PLXNA2: variants seen among roughly 807,000 people sequenced by gnomAD.
The protein encoded by PLXNA2 is plexin A2.
In PLXNA2, 91 loss-of-function variants were observed where a neutral mutation model predicts 193.5. The observed-to-expected ratio is 0.47, with a 90% CI of 0.40 to 0.56. The LOEUF (loss-of-function observed/expected upper bound fraction) is 0.56. Among genes scored for constraint, PLXNA2 ranks in the 20% least tolerant of loss-of-function variants. The probability of loss-of-function intolerance (pLI) is 0.00; values close to 1 mark genes in which losing one functional copy is unlikely to be tolerated. For synonymous variants in PLXNA2, 997 were observed against 1,027.3 expected, an observed-to-expected ratio of 0.97 and a Z score of 0.56; for missense variants, 1,995 against 2,503.2, an observed-to-expected ratio of 0.80 and a Z score of 4.33.
Position 208,084,900 on chromosome 1 carries a change from A to G in PLXNA2, c.2098-320T>C, listed in dbSNP as rs576861757. On this transcript the variant is annotated intron_variant, in intron 9 of 31. Coordinates refer to ENST00000367033, the MANE Select transcript of PLXNA2 (RefSeq NM_025179.4). ...GAGCCTCCACGTGTCCCTGTCCCCA[A>G]CCTGGCACCCCTACCTCTGGGTTTC... Among the ~76,000 whole-genome samples the G allele has an allele frequency of 7.2e-5, 11 of 152,222 alleles. No individual in the cohort carries two copies. The East Asian group carries it at 1.4e-3, about 19-fold the overall frequency.
At chr1:208,056,774 TCGGGCATCAGCCGAGC>T (rs1421809157) in intron 13 of PLXNA2, among the ~76,000 whole-genome samples, 1 of 152,090 alleles carries the variant, frequency 6.6e-6, no homozygotes, top group Non-Finnish European at 1.5e-5. Flanking sequence ...GTCTCTTTCC[TCGGGCATCAGCCGAGC>T]CCCCTTCTCA....
Position 208,052,436 on chromosome 1 carries a change from T to C in PLXNA2, c.2884A>G (p.Ile962Val). 1 of 1,614,058 alleles carries C rather than the reference T, an allele frequency of 6.2e-7. No individual in the cohort carries two copies. Among genetic ancestry groups the C allele is most frequent in the Non-Finnish European group, 8.5e-7 (1 of 1,179,972 alleles). The part of the protein sequence containing the change: ...VNPSVLSLNP[I>V]RGPESGGTMV... The stretch of plus-strand genomic sequence containing the variant: ...GTGCCTCCTGACTCGGGACCTCGGA[T>C]TGGGTTGAGTGACAGCACAGAAGGG... Residue 962 changes from isoleucine to valine, a missense_variant, in exon 15 of 32, where the codon ATC (isoleucine) becomes GTC (valine). Ile to Val is a conservative substitution (Grantham distance 29, BLOSUM62 3). Transcript: ENST00000367033.
At chr1:208,029,448 A>G in intron 29 of PLXNA2, 1 of 1,012,812 alleles carries the variant, frequency 9.9e-7, no homozygotes, top group Non-Finnish European at 1.2e-6. Flanking sequence ...TGTCCGGAAG[A>G]AGGCAGCCAG....
At chr1:208,131,675 A>T (rs1668159784) in intron 4 of PLXNA2, among the ~76,000 whole-genome samples, 1 of 152,234 alleles carries the variant, frequency 6.6e-6, no homozygotes, top group Non-Finnish European at 1.5e-5. Flanking sequence ...CACTTGAAAC[A>T]GCACCAGAGA....
At chr1:208,107,168 G>A (rs994467865) in intron 4 of PLXNA2, among the ~76,000 whole-genome samples, 4 of 152,218 alleles carry the variant, frequency 2.6e-5, no homozygotes, top group Admixed American at 6.5e-5. Context: ...TTGGTGTCAC[G>A]TGTGAGATTA....
At chr1:208,050,585 C>T (rs1184487940) in intron 17 of PLXNA2, among the ~76,000 whole-genome samples, 2 of 152,220 alleles carry the variant, frequency 1.3e-5, no homozygotes, top group Non-Finnish European at 2.9e-5. Context: ...ATAATCCCAG[C>T]ACTTTGGGAG....
rs1430621647 is a variant in PLXNA2 at position 208,217,696 on chromosome 1, T to G, written c.227A>C (p.Asn76Thr). ...AINRVYKLTGNLTIQVAHKTG... is the reference protein window; with the variant it reads ...AINRVYKLTGTLTIQVAHKTG... ...CTTATGAGCCACCTGGATGGTCAGG[T>G]TGCCTGTCAGCTTATAGACCCGGTT... The change falls in exon 2 of 32, where the codon AAC becomes ACC. Residue 76 changes from asparagine (N) to threonine (T), a missense_variant. By Grantham distance (65) the Asn-to-Thr change is moderately conservative. Transcript: ENST00000367033. This position sits in a 1 kb window ranked among gnomAD's most constrained non-coding sequence, Gnocchi z 4.7. 1 of 1,614,064 alleles carries G rather than the reference T, an allele frequency of 6.2e-7. No homozygotes were observed. Among genetic ancestry groups the G allele is most frequent in the Non-Finnish European group, 8.5e-7 (1 of 1,180,038 alleles).
At chr1:208,112,714 G>A (rs141949728) in intron 4 of PLXNA2, among the ~76,000 whole-genome samples, 31 of 152,246 alleles carry the variant, frequency 2.0e-4, no homozygotes, top group African/African-American at 7.0e-4. Flanking sequence ...CCTTTTGCAT[G>A]AAGAGCCATC....
chr1:208,035,103 T>C (rs1177758515), intron 26 of PLXNA2, among the ~76,000 whole-genome samples: 1 of 152,084 alleles, frequency 6.6e-6, no homozygotes, highest in African/African-American at 2.4e-5. Flanking sequence ...AATTTTCTAC[T>C]GGACAGCACT....
chr1:208,196,874 G>T (rs181115026), intron 3 of PLXNA2, among the ~76,000 whole-genome samples: 289 of 152,302 alleles, frequency 1.9e-3, no homozygotes, highest in South Asian at 3.3e-3. Context: ...GGAAAAGAAA[G>T]CTATCTCTTT....
rs781190881 is a variant in PLXNA2, at chr1:208,217,365, C to T, written c.558G>A (p.Thr186=). 3.3e-5 allele frequency: 53 copies of T among 1,614,034 alleles called. No individual in the cohort carries two copies. The highest frequency in any genetic ancestry group is 1.8e-4 in the Admixed American group (11 of 60,008). ...EGEDGKLFIG[T]AVDGKQDYFP... ...AGTAATCCTGCTTCCCATCCACAGC[C>T]GTGCCGATGAAGAGCTTGCCATCCT... The change falls in exon 2 of 32, where the codon ACG becomes ACA. Residue 186 remains threonine (T), a synonymous_variant. Transcript: ENST00000367033. The surrounding 1 kb of genome is among the most constrained non-coding windows in gnomAD (Gnocchi z 4.7).
At chr1:208,126,637 T>C (rs927068628) in intron 4 of PLXNA2, among the ~76,000 whole-genome samples, 1 of 152,160 alleles carries the variant, frequency 6.6e-6, no homozygotes, top group Non-Finnish European at 1.5e-5. Flanking sequence ...GACAGGTAAC[T>C]TGGGGAAGGC....
chr1:208,052,014 T>C (rs571873006), intron 15 of PLXNA2, among the ~76,000 whole-genome samples: 2 of 152,260 alleles, frequency 1.3e-5, no homozygotes, highest in African/African-American at 4.8e-5. Flanking sequence ...GTTTTTCAAG[T>C]CACCATAGTG....
chr1:208,210,297 T>A lies in PLXNA2; in HGVS notation c.1354A>T (p.Ser452Cys). 1 of 1,613,850 alleles carries A rather than the reference T, an allele frequency of 6.2e-7. No individual in the cohort carries two copies. The highest frequency in any genetic ancestry group is 8.5e-7 in the Non-Finnish European group (1 of 1,180,006). Reference protein sequence around the residue: ...GYSVVFVGTKSGKLKKIRADG... With the variant: ...GYSVVFVGTKCGKLKKIRADG... ...ACTCTTACCTTTTTCAGCTTGCCAC[T>A]CTTAGTCCCCACAAAAACCACGCTG... is the stretch of plus-strand genomic sequence containing the variant. Residue 452 changes from serine to cysteine, a missense_variant, in exon 3 of 32, where the codon AGT becomes TGT. Around this residue, in one of 3 missense-constraint regions of PLXNA2, gnomAD observed 702 missense variants for 812.9 expected, o/e 0.86. Coordinates refer to ENST00000367033, the MANE Select transcript of PLXNA2 (RefSeq NM_025179.4).
At chr1:208,039,556 G>T in intron 24 of PLXNA2, 65 bp downstream of exon 24, 1 of 1,600,824 alleles carries the variant, frequency 6.2e-7, no homozygotes, top group East Asian at 2.2e-5. Context: ...TTTATGGACA[G>T]AAGGCAGAGC....
chr1:208,068,233 T>G (rs1354164848), intron 12 of PLXNA2, among the ~76,000 whole-genome samples: 1 of 152,220 alleles, frequency 6.6e-6, no homozygotes, highest in Non-Finnish European at 1.5e-5. Flanking sequence ...GAAATGCTGG[T>G]CTCAACCAGA....
chr1:208,150,206 G>A (rs548705898), intron 3 of PLXNA2, among the ~76,000 whole-genome samples: 7 of 152,228 alleles, frequency 4.6e-5, no homozygotes, highest in South Asian at 4.2e-4. Flanking sequence ...ACACACACAC[G>A]CACATGCACA....
rs1424721738 is a variant in PLXNA2 at position 208,042,362 on chromosome 1, T to G, written c.4022A>C (p.Gln1341Pro). The change falls in exon 22 of 32, where the codon CAA (glutamine) becomes CCA (proline). Residue 1341 changes from glutamine (Q) to proline (P), a missense_variant. Physicochemically the swap from Gln to Pro is moderately conservative, Grantham distance 76. Transcript: ENST00000367033. ...DHPVLRELEV[Q>P]GNGQQHVEKA... ...CTCCACGTGCTGCTGCCCGTTTCCT[T>G]GTACCTGGGGTGGGGTGTGGTGGAG... 1 of 1,613,012 alleles carries G rather than the reference T, an allele frequency of 6.2e-7. No individual in the cohort carries two copies. Among genetic ancestry groups the G allele is most frequent in the African/African-American group, 1.3e-5 (1 of 74,912 alleles).
In PLXNA2 at chr1:208,027,650, T is replaced by C. The variant is rs112308432; in HGVS notation, c.5590-312A>G. On this transcript the variant is annotated intron_variant, in intron 31 of 31. Coordinates refer to ENST00000367033, the MANE Select transcript of PLXNA2 (RefSeq NM_025179.4). ...AGTTTTCCAAAGGTATCCTAATCAA[T>C]CTCTATTCATATTAGGGTCCACCTG... Among the ~76,000 whole-genome samples the C allele has an allele frequency of 7.7e-4, 117 of 152,288 alleles. 1 individual carries two copies. The highest frequency in any genetic ancestry group is 2.6e-3 in the African/African-American group (109 of 41,556).
Sources: allele counts gnomAD v4.1 joint callset (sites outside exome capture counted in the v4.1 genomes callset), GRCh38; gene constraint gnomAD v4.1.1; regional missense constraint gnomAD v4.1.1; non-coding constraint Gnocchi (gnomAD v3.1); transcripts MANE v1.5; gene names NCBI Gene and HGNC (gene_info 2026-07-23, HGNC 2026-07-21).